The following ZNF433 variants were observed in gnomAD, a reference collection of about 807,000 sequenced individuals.
The protein encoded by ZNF433 is zinc finger protein 433.
ZNF433 carries 12 observed loss-of-function variants against 10.6 expected under a neutral mutation model. The ratio of observed to expected loss-of-function variants is 1.13; its 90% CI spans 0.72 to 1.83. ZNF433 has a LOEUF of 1.83. ZNF433 is among the 40% of genes most tolerant of loss of function. The pLI is 0.00. For synonymous variants in ZNF433, 272 were observed against 271.3 expected (o/e 1.00, Z -0.02); for missense variants, 737 against 798.0 (o/e 0.92, Z 0.92).
chr19:12,018,051 C>G (rs1231584504), intron 2 of ZNF433, 115 bp from the exon 3 acceptor site: 1 of 1,332,494 alleles, frequency 7.5e-7, no homozygotes, highest in East Asian at 2.4e-5. Context: ...TCAAATATTC[C>G]CTGTCCACAT....
Position 12,015,353 on chromosome 19 carries a change from G to A in ZNF433, c.1505C>T (p.Thr502Ile). The A allele has an allele frequency of 6.2e-7, 1 of 1,614,116 alleles. No homozygotes were observed. Among genetic ancestry groups the A allele is most frequent in the Non-Finnish European group, 8.5e-7 (1 of 1,180,030 alleles). Residue 502 changes from threonine (T) to isoleucine (I), a missense_variant, in exon 4 of 4, where the codon ACC (threonine) becomes ATC (isoleucine). Thr to Ile is a moderately conservative substitution (Grantham distance 89). Coordinates refer to ENST00000550507, the MANE Select transcript of ZNF433 (RefSeq NM_001308348.2). ...TCTGCCACACTGCTTGCATTCATAG[G>A]TTTTTCCTCCAGTGTGAGTCCTTTC... ...RHERTHTGGK[T>I]YECKQCGRSF...
intron 1 of ZNF433, chr19:12,026,205 C>T (rs111834033): frequency 0.013 from 2,085 of 155,722 alleles, 19 homozygotes; most frequent in Non-Finnish European, 0.019. Flanking sequence ...ATGAAATCAA[C>T]AGCCAATCTG....
chr19:12,016,554 C>T lies in ZNF433; in HGVS notation c.304G>A (p.Glu102Lys), dbSNP rs764393280. 64 of 1,614,150 alleles carry T rather than the reference C, an allele frequency of 4.0e-5. No homozygotes were observed. The highest frequency in any genetic ancestry group is 2.3e-4 in the African/African-American group (17 of 75,038). Residue 102 changes from glutamate to lysine, a missense_variant, in exon 4 of 4, where the codon GAA becomes AAA. Transcript: ENST00000550507. ...KKTTTGVKSC[E>K]SSVYGEVGSA... ...CCTACTTCTCCATACACACTGCTTT[C>T]GCATGATTTTACTCCAGTAGTTGTT... is the stretch of plus-strand genomic sequence containing the variant.
Position 12,027,510 on chromosome 19 carries a change from C to T in ZNF433, c.3+8027G>A, listed in dbSNP as rs562750866. On this transcript the variant is annotated intron_variant, in intron 1 of 3. Coordinates refer to ENST00000550507, the MANE Select transcript of ZNF433 (RefSeq NM_001308348.2). The stretch of plus-strand genomic sequence containing the variant: ...GGCGGAAAACTGCTTAAAGGTGTTC[C>T]TAACCCACAAACAATAGTATGAGCA... Among the ~76,000 whole-genome samples, 78 of 152,206 alleles carry T rather than the reference C, an allele frequency of 5.1e-4. 1 individual carries two copies. The highest frequency in any genetic ancestry group is 1.0e-3 in the Non-Finnish European group (68 of 68,030).
chr19:12,030,744 C>T (rs1429003463), intron 1 of ZNF433, among the ~76,000 whole-genome samples: 1 of 152,090 alleles, frequency 6.6e-6, no homozygotes, highest in African/African-American at 2.4e-5. Context: ...GCAAGCACAA[C>T]AGGTTGACTA....
intron 1 of ZNF433, among the ~76,000 whole-genome samples, chr19:12,019,256 A>C (rs1283438612): frequency 1.3e-5 from 2 of 151,966 alleles, no homozygotes; most frequent in Non-Finnish European, 2.9e-5. Flanking sequence ...CACCGTCTCT[A>C]CTAAAAATAC....
chr19:12,024,386 C>T (rs752959156), intron 1 of ZNF433: 2 of 152,238 alleles, frequency 1.3e-5, no homozygotes, highest in Non-Finnish European at 2.9e-5. Context: ...AATAAACAAC[C>T]TGCAGCCTGC....
At chr19:12,019,077 AT>A in intron 1 of ZNF433, among the ~76,000 whole-genome samples, 2 of 148,576 alleles carry the variant, frequency 1.3e-5, no homozygotes, top group Non-Finnish European at 3.0e-5. Flanking sequence ...AAAAAAAAAA[AT>A]TTCCAGGCAC....
intron 1 of ZNF433, among the ~76,000 whole-genome samples, chr19:12,019,567 C>T (rs1974385848): frequency 6.6e-6 from 1 of 152,108 alleles, no homozygotes; most frequent in Non-Finnish European, 1.5e-5. Context: ...TTTCCTGTAT[C>T]CCACTTTTGG....
chr19:12,018,743 CAAA>C (rs1974339623), intron 1 of ZNF433: 1 of 152,158 alleles, frequency 6.6e-6, no homozygotes. Context: ...GCAGCAGAAA[CAAA>C]AACCAAAAAA....
At chr19:12,020,282 TA>T (rs907202745) in intron 1 of ZNF433, among the ~76,000 whole-genome samples, 10 of 145,308 alleles carry the variant, frequency 6.9e-5, no homozygotes, top group Admixed American at 6.9e-5. Context: ...AAAAAAATTT[TA>T]AAAAAAAAAA....
At chr19:12,029,079 AAC>A in intron 1 of ZNF433, among the ~76,000 whole-genome samples, 1 of 152,358 alleles carries the variant, frequency 6.6e-6, no homozygotes, top group Middle Eastern at 3.4e-3. Flanking sequence ...TATGTCCTTA[AAC>A]ACACACTGAT....
At chr19:12,033,608 G>A (rs920980654) in intron 1 of ZNF433, among the ~76,000 whole-genome samples, 1 of 152,064 alleles carries the variant, frequency 6.6e-6, no homozygotes, top group Non-Finnish European at 1.5e-5. Flanking sequence ...GGATCACAAG[G>A]TCAGGAGATC....
intron 2 of ZNF433, 37 bp downstream of exon 2, chr19:12,018,129 T>C: frequency 6.5e-7 from 1 of 1,531,994 alleles, no homozygotes; most frequent in South Asian, 1.3e-5. Flanking sequence ...AAACTTGTTG[T>C]CTCATTTACT....
chr19:12,030,591 G>A (rs1464300613), intron 1 of ZNF433, among the ~76,000 whole-genome samples: 1 of 152,100 alleles, frequency 6.6e-6, no homozygotes, highest in Admixed American at 6.6e-5. Flanking sequence ...AAGATAGATA[G>A]GCACTAGCCC....
Position 12,016,223 on chromosome 19 carries a change from A to G in ZNF433, c.635T>C (p.Ile212Thr). 1 of 1,614,172 alleles carries G rather than the reference A, an allele frequency of 6.2e-7. No individual in the cohort carries two copies. The highest frequency in any genetic ancestry group is 8.5e-7 in the Non-Finnish European group (1 of 1,180,022). The change falls in exon 4 of 4, where the codon ATC becomes ACC. Residue 212 changes from isoleucine to threonine, a missense_variant. By Grantham distance (89) the Ile-to-Thr change is moderately conservative. Transcript: ENST00000550507. ...CTCTCCAGTGTGAGTTCGTTTGTGG[A>G]TAAGATACAAACTGAGAAACATCAA... is the stretch of plus-strand genomic sequence containing the variant. ...KALMFLSLYL[I>T]HKRTHTGEKP...
Position 12,033,881 on chromosome 19 carries a change from G to A in ZNF433, c.3+1656C>T, listed in dbSNP as rs556376922. Among the ~76,000 whole-genome samples the A allele has an allele frequency of 1.1e-4, 17 of 152,268 alleles. No individual in the cohort carries two copies. In the South Asian group the frequency reaches 2.9e-3, roughly 26 times the overall value. On this transcript the variant is annotated intron_variant, in intron 1 of 3. Transcript: ENST00000550507. ...ACTACAAATTGAAGAAGGAGAGTTG[G>A]TGTCTGCAAATTTTAGAAAGGAACT... is the stretch of plus-strand genomic sequence containing the variant.
intron 1 of ZNF433, chr19:12,034,885 T>C (rs1371770890): frequency 1.5e-5 from 7 of 454,346 alleles, no homozygotes; most frequent in South Asian, 1.1e-4. Flanking sequence ...CTGAAATGAA[T>C]AAAAACAGTC....
At chr19:12,025,731 G>A in intron 1 of ZNF433, 1 of 152,246 alleles carries the variant, frequency 6.6e-6, no homozygotes, top group East Asian at 1.9e-4. Context: ...CCAAACAGGA[G>A]AGTCTTCTGC....
Sources: gnomAD v4.1 joint callset for allele counts (sites outside exome capture counted in the v4.1 genomes callset) on GRCh38, gnomAD v4.1.1 for gene constraint, MANE v1.5 for transcripts, NCBI Gene and HGNC (gene_info 2026-07-23, HGNC 2026-07-21) for gene names.